Variants in ZMYND11 observed in about 807,000 individuals in gnomAD.
ZMYND11 encodes the protein zinc finger MYND-type containing 11, also known as zinc finger MYND domain-containing protein 11.
ZMYND11 carries 9 observed loss-of-function variants against 84.9 expected under a neutral mutation model. The observed-to-expected ratio is 0.11, with a 90% CI of 0.06 to 0.18. The LOEUF is 0.18. Among genes scored for constraint, ZMYND11 ranks in the 10% least tolerant of loss-of-function variants. ZMYND11 has a pLI of 1.00. For missense variants in ZMYND11, 409 were observed against 761.0 expected (o/e 0.54, Z 5.44); for synonymous variants, 250 against 244.1 (o/e 1.02, Z -0.23).
At chr10:222,877 C>G (rs1947372984) in intron 4 of ZMYND11, among the ~76,000 whole-genome samples, 1 of 152,106 alleles carries the variant, frequency 6.6e-6, no homozygotes, top group African/African-American at 2.4e-5. Context: ...ACTGGGACTT[C>G]TGAGGACAGG....
chr10:130,764 C>T (rs1835294900), upstream of ZMYND11, among the ~76,000 whole-genome samples: 1 of 152,204 alleles, frequency 6.6e-6, no homozygotes, highest in African/African-American at 2.4e-5. Flanking sequence ...TTGAATGTCT[C>T]ACAGTGAGTT....
chr10:188,338 G>C lies in ZMYND11; in HGVS notation c.116+8210G>C, dbSNP rs570782708. ...GCTGTGGTTCACACCTGTAATCCCGGCACTTTGGGAGGCTGAGGCAGGTGG... is the reference window on the plus strand; with the variant it reads ...GCTGTGGTTCACACCTGTAATCCCGCCACTTTGGGAGGCTGAGGCAGGTGG... On this transcript the variant is annotated intron_variant, in intron 2 of 14. Coordinates refer to ENST00000381604, the MANE Select transcript of ZMYND11 (RefSeq NM_001370100.5). Among the ~76,000 whole-genome samples the C allele has an allele frequency of 1.8e-3, 274 of 152,000 alleles. 4 individuals are homozygous for C. Among genetic ancestry groups the C allele is most frequent in the African/African-American group, 6.0e-3 (250 of 41,458 alleles).
At chr10:227,475 A>C (rs1192526708) in intron 4 of ZMYND11, among the ~76,000 whole-genome samples, 1 of 152,166 alleles carries the variant, frequency 6.6e-6, no homozygotes, top group Non-Finnish European at 1.5e-5. Context: ...CTGGCATGTC[A>C]GTGTTGACTT....
At chr10:152,528 T>C (rs985826683) in intron 1 of ZMYND11, among the ~76,000 whole-genome samples, 2 of 152,160 alleles carry the variant, frequency 1.3e-5, no homozygotes, top group Admixed American at 1.3e-4. Flanking sequence ...TAAATATATA[T>C]GCACCCAATA....
intron 1 of ZMYND11, among the ~76,000 whole-genome samples, chr10:142,929 G>C (rs1420896910): frequency 6.6e-6 from 1 of 152,196 alleles, no homozygotes; most frequent in Admixed American, 6.5e-5. Context: ...AGATAACTTG[G>C]TTCAGGGGCA....
At chr10:172,891 A>G (rs978484755) in intron 1 of ZMYND11, among the ~76,000 whole-genome samples, 15 of 152,194 alleles carry the variant, frequency 9.9e-5, no homozygotes, top group African/African-American at 3.1e-4. Context: ...CAGGACAAAT[A>G]GATGGATGGA....
chr10:164,381 A>G (rs1480869380), intron 1 of ZMYND11, among the ~76,000 whole-genome samples: 2 of 152,128 alleles, frequency 1.3e-5, no homozygotes, highest in African/African-American at 4.8e-5. Flanking sequence ...TGATGCTGTG[A>G]TATCAAGCAA....
intron 1 of ZMYND11, among the ~76,000 whole-genome samples, chr10:151,768 T>A (rs1840429885): frequency 6.6e-6 from 1 of 151,986 alleles, no homozygotes; most frequent in Non-Finnish European, 1.5e-5. Context: ...AATTGTCAGA[T>A]TCACCAAAGT....
upstream of ZMYND11, among the ~76,000 whole-genome samples, chr10:133,496 T>C (rs1835378741): frequency 6.6e-6 from 1 of 152,194 alleles, no homozygotes; most frequent in South Asian, 2.1e-4. Context: ...GCGTATAAAA[T>C]TTTAAATGAT....
chr10:214,783 C>A (rs959697691), intron 3 of ZMYND11, among the ~76,000 whole-genome samples: 5 of 152,178 alleles, frequency 3.3e-5, no homozygotes, highest in African/African-American at 7.2e-5. Context: ...ACCCTTATTT[C>A]TTCACAGTAT....
intron 1 of ZMYND11, among the ~76,000 whole-genome samples, chr10:167,401 GT>G (rs1844253524): frequency 6.6e-6 from 1 of 151,992 alleles, no homozygotes; most frequent in African/African-American, 2.4e-5. Flanking sequence ...CCACCATTTT[GT>G]TTTATAAACT....
chr10:249,022 A>T lies in ZMYND11; in HGVS notation c.1620A>T (p.Val540=). Reference sequence around the variant, plus strand: ...AGGAAAAGTGTAAGGAAGAATTTGTAGAAGAAATCAAGAAGCTGGCAACAC... The same window carrying T: ...AGGAAAAGTGTAAGGAAGAATTTGTTGAAGAAATCAAGAAGCTGGCAACAC... ...QVKEKCKEEF[V]EEIKKLATQH... The change falls in exon 14 of 15, where the codon GTA becomes GTT. Residue 540 remains valine (V), a synonymous_variant. Coordinates refer to ENST00000381604, the MANE Select transcript of ZMYND11 (RefSeq NM_001370100.5). 3 of 1,614,228 alleles carry T rather than the reference A, an allele frequency of 1.9e-6. No homozygotes were observed. The highest frequency in any genetic ancestry group is 1.7e-6 in the Non-Finnish European group (2 of 1,180,032).
At chr10:164,134 G>A (rs781858477) in intron 1 of ZMYND11, among the ~76,000 whole-genome samples, 40 of 152,212 alleles carry the variant, frequency 2.6e-4, no homozygotes, top group Non-Finnish European at 3.5e-4. Flanking sequence ...TGCAATCCAA[G>A]CTACTTATTG....
At chr10:218,137 T>C (rs147645953) in intron 3 of ZMYND11, among the ~76,000 whole-genome samples, 151 of 152,376 alleles carry the variant, frequency 9.9e-4, no homozygotes, top group African/African-American at 3.5e-3. Flanking sequence ...TAGCAAAATA[T>C]TTTTCTAATA....
At chr10:215,260 C>T (rs1224327453) in intron 3 of ZMYND11, among the ~76,000 whole-genome samples, 1 of 151,758 alleles carries the variant, frequency 6.6e-6, no homozygotes, top group East Asian at 1.9e-4. Context: ...GTCTCACAGC[C>T]TCATTTCCTT....
intron 1 of ZMYND11, among the ~76,000 whole-genome samples, chr10:149,366 A>G (rs1839762954): frequency 6.6e-6 from 1 of 151,140 alleles, no homozygotes; most frequent in Admixed American, 6.6e-5. Flanking sequence ...GCTGGAGTGC[A>G]GTGGCGCGAT....
intron 2 of ZMYND11, among the ~76,000 whole-genome samples, chr10:184,312 A>G (rs1025311302): frequency 1.3e-5 from 2 of 152,192 alleles, no homozygotes; most frequent in Non-Finnish European, 2.9e-5. Flanking sequence ...TTATCTACAC[A>G]CATCCTTATT....
chr10:142,796 A>G (rs955991235), intron 1 of ZMYND11, among the ~76,000 whole-genome samples: 2 of 152,308 alleles, frequency 1.3e-5, no homozygotes, highest in Non-Finnish European at 2.9e-5. Context: ...TGGGCAATCA[A>G]AACATTCTAT....
chr10:239,390 A>G lies in ZMYND11; in HGVS notation c.610-48A>G, dbSNP rs761694161. 5.9e-6 allele frequency: 9 copies of G among 1,520,908 alleles called. No individual in the cohort carries two copies. The East Asian group carries it at 6.8e-5, about 11-fold the overall frequency. The allele number at this position is 1,520,908 out of a possible 1,614,324, so 94.2% of individuals were successfully genotyped here. A position where few individuals can be genotyped will look rare whatever the true frequency, so the allele number is the denominator to read the frequency against. ...TCCTGTGAACTTAGTCCAGACAAGT[A>G]TTTTTACTGGTAACTCTTTTCGTCA... On this transcript the variant is annotated intron_variant, in intron 6 of 14. Coordinates refer to ENST00000381604, the MANE Select transcript of ZMYND11 (RefSeq NM_001370100.5).
Sources: gnomAD v4.1 joint callset for allele counts (sites outside exome capture counted in the v4.1 genomes callset) on GRCh38, gnomAD v4.1.1 for gene constraint, MANE v1.5 for transcripts, NCBI Gene and HGNC (gene_info 2026-07-23, HGNC 2026-07-21) for gene names.